AKR1A1: variants seen among roughly 807,000 people sequenced by gnomAD.
The protein encoded by AKR1A1 is aldo-keto reductase family 1 member A1.
AKR1A1 carries 26 observed loss-of-function variants against 39.2 expected under a neutral mutation model. That is an observed-to-expected ratio of 0.66 (90% CI 0.49 to 0.92). The LOEUF (loss-of-function observed/expected upper bound fraction) is 0.92. Ranked by LOEUF, AKR1A1 falls within the 40% of genes least tolerant of loss-of-function variation. The pLI, the probability that AKR1A1 is intolerant of heterozygous loss-of-function variation, is 0.00. For missense variants in AKR1A1, 378 were observed against 406.5 expected (o/e 0.93, Z 0.60); for synonymous variants, 141 against 155.5 (o/e 0.91, Z 0.69).
intron 2 of AKR1A1, 92 bp from the exon 3 acceptor site, chr1:45,566,477 T>A: frequency 1.3e-6 from 2 of 1,553,824 alleles, no homozygotes; most frequent in South Asian, 1.2e-5. Flanking sequence ...GTTATATTTC[T>A]GAGCCCCCTT....
intron 8 of AKR1A1, 145 bp downstream of exon 8, chr1:45,569,374 C>G (rs1644386844): frequency 1.4e-6 from 1 of 697,442 alleles, no homozygotes; most frequent in South Asian, 1.7e-5. Context: ...GCCCTCATTT[C>G]TCTTTATTGA....
At chr1:45,564,862 G>A (rs973359540) in intron 2 of AKR1A1, among the ~76,000 whole-genome samples, 5 of 149,970 alleles carry the variant, frequency 3.3e-5, no homozygotes, top group Non-Finnish European at 5.9e-5. Context: ...TTGCTCTGTC[G>A]CCCAGGCTGG....
At chr1:45,565,873 C>T (rs1483939669) in intron 2 of AKR1A1, among the ~76,000 whole-genome samples, 1 of 152,032 alleles carries the variant, frequency 6.6e-6, no homozygotes, top group African/African-American at 2.4e-5. Context: ...TGTCAGCCTC[C>T]CAGAGTCCTA....
At chr1:45,558,129 G>A (rs622296) in intron 1 of AKR1A1, among the ~76,000 whole-genome samples, 2,270 of 151,714 alleles carry the variant, frequency 0.015, 57 homozygotes, top group African/African-American at 0.049. Context: ...GGCTGGTCTC[G>A]AACTCCTGAC....
intron 8 of AKR1A1, 28 bp downstream of exon 8, chr1:45,569,257 G>A: frequency 6.3e-7 from 1 of 1,591,750 alleles, no homozygotes; most frequent in Non-Finnish European, 8.6e-7. Context: ...TCCTAGACTT[G>A]GGGAATGTGA....
At chr1:45,560,038 A>T (rs1474306415) in intron 1 of AKR1A1, among the ~76,000 whole-genome samples, 1 of 149,018 alleles carries the variant, frequency 6.7e-6, no homozygotes, top group Non-Finnish European at 1.5e-5. Context: ...CCCAGGCTGG[A>T]GTGCAGTGGC....
At chr1:45,565,527 G>T (rs1363460857) in intron 2 of AKR1A1, among the ~76,000 whole-genome samples, 1 of 152,038 alleles carries the variant, frequency 6.6e-6, no homozygotes, top group East Asian at 1.9e-4. Flanking sequence ...AGGATGAAGT[G>T]CAGTGGCATG....
intron 6 of AKR1A1, 104 bp from the exon 7 acceptor site, chr1:45,568,823 G>A: frequency 1.3e-6 from 2 of 1,523,100 alleles, no homozygotes; most frequent in Non-Finnish European, 1.8e-6. Context: ...TCCCATTTCA[G>A]CAGGGCTCAG....
chr1:45,566,973 G>T lies in AKR1A1; in HGVS notation c.309G>T (p.Gln103His), dbSNP rs141859105. The T allele has an allele frequency of 6.2e-7, 1 of 1,614,132 alleles. No individual in the cohort carries two copies. Among genetic ancestry groups the T allele is most frequent in the Non-Finnish European group, 8.5e-7 (1 of 1,180,058 alleles). Residue 103 changes from glutamine to histidine, a missense_variant, in exon 4 of 9, where the codon CAG becomes CAT. Transcript: ENST00000351829. ...TCCGGAAGACTCTGGCTGACCTCCA[G>T]CTGGAGTATCTGGACCTGTACCTGA... ...PALRKTLADL[Q>H]LEYLDLYLMH...
At chr1:45,562,425 T>C (rs1644289984) in intron 2 of AKR1A1, among the ~76,000 whole-genome samples, 1 of 151,264 alleles carries the variant, frequency 6.6e-6, no homozygotes, top group Admixed American at 6.6e-5. Flanking sequence ...CACGGCAGCC[T>C]TGACCTCCTG....
chr1:45,568,774 T>C (rs1168839747), intron 6 of AKR1A1, 90 bp downstream of exon 6: 15 of 1,557,910 alleles, frequency 9.6e-6, no homozygotes, highest in Non-Finnish European at 1.3e-5. Context: ...GCTGAGGATC[T>C]TGCCTTGTGA....
chr1:45,566,815 G>C (rs1444786788), intron 3 of AKR1A1, 54 bp from the exon 4 acceptor site: 6 of 1,600,160 alleles, frequency 3.7e-6, no homozygotes, highest in Non-Finnish European at 5.1e-6. Context: ...TTGAGGGTGG[G>C]TGAGACCACG....
chr1:45,555,818 T>C (rs1028831361), intron 1 of AKR1A1, among the ~76,000 whole-genome samples: 1 of 152,166 alleles, frequency 6.6e-6, no homozygotes, highest in Non-Finnish European at 1.5e-5. Flanking sequence ...CAGCCTAAAC[T>C]GTTTCCTCTG....
At position 45,558,251 on chromosome 1, in the gene AKR1A1, C is replaced by T. The variant is rs141946996; in HGVS notation, c.-6-3538C>T. ...TTATTATTATTATTATTTTTTGAGA[C>T]AGGGTCTCGCTCTGTTACCCAGACT... On this transcript the variant is annotated intron_variant, in intron 1 of 8. Transcript: ENST00000351829. 1.9e-3 allele frequency among the ~76,000 whole-genome samples: 278 copies of T among 148,120 alleles called. 2 individuals carry two copies. In the East Asian group the frequency reaches 0.039, roughly 21 times the overall value.
At chr1:45,567,099 A>C in intron 4 of AKR1A1, 79 bp downstream of exon 4, 1 of 1,552,870 alleles carries the variant, frequency 6.4e-7, no homozygotes, top group Non-Finnish European at 8.7e-7. Flanking sequence ...AAGTCACAGC[A>C]GCAGAGCAGG....
intron 1 of AKR1A1, among the ~76,000 whole-genome samples, chr1:45,552,768 G>C (rs1483674592): frequency 6.6e-6 from 1 of 152,156 alleles, no homozygotes; most frequent in African/African-American, 2.4e-5. Context: ...CACATGGTTG[G>C]ATCTGGTGAT....
chr1:45,561,960 C>A, intron 2 of AKR1A1, 82 bp downstream of exon 2: 1 of 1,362,038 alleles, frequency 7.3e-7, no homozygotes, highest in Non-Finnish European at 1.0e-6. Flanking sequence ...TACTCCCCTT[C>A]CAGCGGGGAT....
At position 45,566,915 on chromosome 1, in the gene AKR1A1, C is replaced by T; in HGVS notation, c.251C>T (p.Thr84Ile). The T allele has an allele frequency of 6.2e-7, 1 of 1,614,212 alleles. No individual in the cohort carries two copies. The highest frequency in any genetic ancestry group is 1.7e-5 in the Admixed American group (1 of 60,012). ...TTTGTGACATCCAAGCTGTGGAACA[C>T]CAAGCACCACCCCGAGGATGTGGAG... ...ELFVTSKLWN[T>I]KHHPEDVEPA... The change falls in exon 4 of 9, where the codon ACC becomes ATC. Residue 84 changes from threonine to isoleucine, a missense_variant. Transcript: ENST00000351829.
At chr1:45,560,915 G>C (rs373104482) in intron 1 of AKR1A1, among the ~76,000 whole-genome samples, 5 of 152,256 alleles carry the variant, frequency 3.3e-5, no homozygotes, top group African/African-American at 1.2e-4. Flanking sequence ...TTTTAGTAGA[G>C]ATGGTCTTTC....
Sources: allele counts gnomAD v4.1 joint callset (sites outside exome capture counted in the v4.1 genomes callset), GRCh38; gene constraint gnomAD v4.1.1; transcripts MANE v1.5; gene names NCBI Gene and HGNC (gene_info 2026-07-23, HGNC 2026-07-21).